COL22A1: variants seen among roughly 807,000 people sequenced by gnomAD.
The protein encoded by COL22A1 is collagen type XXII alpha 1 chain.
A neutral mutation model predicts 248.9 loss-of-function variants in COL22A1; 221 were observed. That is an observed-to-expected ratio of 0.89 (90% CI 0.80 to 0.99). COL22A1 has a LOEUF of 0.99. Ranked by LOEUF, COL22A1 falls within the 50% of genes least tolerant of loss-of-function variation. The pLI is 0.00. For synonymous variants in COL22A1, 891 were observed against 793.4 expected (o/e 1.12, Z -2.07); for missense variants, 2,240 against 2,179.0 (o/e 1.03, Z -0.56).
chr8:138,591,120 C>A (rs932437527), intron 64 of COL22A1, among the ~76,000 whole-genome samples: 1 of 152,298 alleles, frequency 6.6e-6, no homozygotes, highest in African/African-American at 2.4e-5. Context: ...GAAACACAGT[C>A]CCCAGCAGTT....
chr8:138,699,340 A>G (rs80048510), intron 32 of COL22A1, among the ~76,000 whole-genome samples: 4,612 of 152,264 alleles, frequency 0.03, 257 homozygotes, highest in African/African-American at 0.11. Context: ...AATGGAATCG[A>G]CTTAATATTG....
chr8:138,866,232 A>G (rs1822882021), intron 3 of COL22A1, among the ~76,000 whole-genome samples: 1 of 152,174 alleles, frequency 6.6e-6, no homozygotes, highest in South Asian at 2.1e-4. Flanking sequence ...TTTCTGGGAA[A>G]TCCCCAAGAC....
intron 1 of COL22A1, among the ~76,000 whole-genome samples, chr8:138,889,348 T>G (rs1824886729): frequency 6.6e-6 from 1 of 152,166 alleles, no homozygotes; most frequent in South Asian, 2.1e-4. Flanking sequence ...ATTAAGAAAA[T>G]GTGGCACGTA....
Position 138,842,469 on chromosome 8 carries a change from G to A in COL22A1, c.733+1615C>T, listed in dbSNP as rs779635719. ...TAAGGTAAGAATTTGCTTTGAAGAC[G>A]AATATCAATGGGAGGGGTCTCAGGG... On this transcript the variant is annotated intron_variant, in intron 4 of 64. Transcript: ENST00000303045. Among the ~76,000 whole-genome samples, 12 of 152,160 alleles carry A rather than the reference G, an allele frequency of 7.9e-5. 1 individual carries two copies. In the South Asian group the frequency reaches 1.2e-3, roughly 16 times the overall value.
intron 28 of COL22A1, 106 bp from the exon 29 acceptor site, chr8:138,716,395 C>T (rs1829434825): frequency 1.3e-6 from 1 of 771,576 alleles, no homozygotes. Flanking sequence ...TGGAGATGTT[C>T]TGGCTTAGTG....
chr8:138,861,381 T>G (rs1373427128), intron 3 of COL22A1, among the ~76,000 whole-genome samples: 3 of 152,106 alleles, frequency 2.0e-5, no homozygotes, highest in Non-Finnish European at 4.4e-5. Flanking sequence ...ATTTAACCAG[T>G]CAGAAACACA....
intron 16 of COL22A1, among the ~76,000 whole-genome samples, chr8:138,764,208 A>G (rs1441656810): frequency 6.6e-6 from 1 of 152,112 alleles, no homozygotes; most frequent in Non-Finnish European, 1.5e-5. Context: ...CAATGATTCT[A>G]TTCACTGCCG....
intron 12 of COL22A1, among the ~76,000 whole-genome samples, chr8:138,786,026 C>T (rs113554216): frequency 1.2e-4 from 19 of 152,278 alleles, no homozygotes; most frequent in African/African-American, 4.3e-4. Flanking sequence ...CACTGTCCAC[C>T]TCCCACTCTC....
intron 10 of COL22A1, among the ~76,000 whole-genome samples, chr8:138,806,646 T>G (rs2131668822): frequency 6.6e-6 from 1 of 152,240 alleles, no homozygotes; most frequent in South Asian, 2.1e-4. Flanking sequence ...CACGCAGGGT[T>G]GATTTAGGGT....
At chr8:138,724,789 T>C in intron 24 of COL22A1, 121 bp from the exon 25 acceptor site, 3 of 883,962 alleles carry the variant, frequency 3.4e-6, no homozygotes, top group East Asian at 2.5e-5. Flanking sequence ...CTGGGGCCTC[T>C]ACTGTCCTTG....
intron 30 of COL22A1, among the ~76,000 whole-genome samples, chr8:138,704,608 C>T (rs1174403183): frequency 6.6e-6 from 1 of 152,120 alleles, no homozygotes; most frequent in Non-Finnish European, 1.5e-5. Flanking sequence ...GACATCCACA[C>T]CAACCCCATC....
intron 56 of COL22A1, among the ~76,000 whole-genome samples, chr8:138,609,903 C>T (rs1818726268): frequency 6.6e-6 from 1 of 152,058 alleles, no homozygotes. Context: ...TCCTGCTGTC[C>T]CTCGCCAAGC....
At chr8:138,824,968 G>A (rs1339900817) in intron 6 of COL22A1, among the ~76,000 whole-genome samples, 9 of 152,258 alleles carry the variant, frequency 5.9e-5, no homozygotes, top group Admixed American at 6.5e-5. Flanking sequence ...CAGAAGGAGG[G>A]GAAGATGCAC....
chr8:138,851,689 G>A (rs1477806297), intron 3 of COL22A1, among the ~76,000 whole-genome samples: 4 of 152,180 alleles, frequency 2.6e-5, no homozygotes, highest in African/African-American at 9.7e-5. Flanking sequence ...CTCAGGGGCA[G>A]CAGAGCCCTT....
chr8:138,864,110 C>T (rs1822689475), intron 3 of COL22A1, among the ~76,000 whole-genome samples: 1 of 152,094 alleles, frequency 6.6e-6, no homozygotes, highest in African/African-American at 2.4e-5. Context: ...GACCAAGGGA[C>T]CATTCCCATT....
At chr8:138,790,020 T>C (rs1815887504) in intron 12 of COL22A1, among the ~76,000 whole-genome samples, 1 of 152,172 alleles carries the variant, frequency 6.6e-6, no homozygotes. Flanking sequence ...CTTAAAAAAA[T>C]CAAAAGTGTG....
At chr8:138,768,271 C>T (rs1834065876) in intron 16 of COL22A1, among the ~76,000 whole-genome samples, 1 of 152,218 alleles carries the variant, frequency 6.6e-6, no homozygotes, top group African/African-American at 2.4e-5. Context: ...CCCCATCTGT[C>T]TTGCTCACTC....
intron 30 of COL22A1, among the ~76,000 whole-genome samples, chr8:138,703,612 A>G (rs1325488455): frequency 1.3e-5 from 2 of 152,234 alleles, no homozygotes; most frequent in East Asian, 1.9e-4. Flanking sequence ...TAGATCATTT[A>G]TATCACTATA....
At chr8:138,814,031 C>T (rs1586810588) in intron 7 of COL22A1, among the ~76,000 whole-genome samples, 1 of 152,356 alleles carries the variant, frequency 6.6e-6, no homozygotes, top group Middle Eastern at 3.4e-3. Flanking sequence ...GGTGCTAAAA[C>T]ATCCACATGC....
Sources: allele counts gnomAD v4.1 joint callset (sites outside exome capture counted in the v4.1 genomes callset), GRCh38; gene constraint gnomAD v4.1.1; transcripts MANE v1.5; gene names NCBI Gene and HGNC (gene_info 2026-07-23, HGNC 2026-07-21).